Variants in DOK6 observed in about 807,000 individuals in gnomAD.
DOK6 encodes docking protein 6.
Under a neutral mutation model 44.0 loss-of-function variants are expected in DOK6, and 22 were observed. That is an observed-to-expected ratio of 0.50 (90% CI 0.36 to 0.71). DOK6 has a LOEUF of 0.71. Among genes scored for constraint, DOK6 ranks in the 30% least tolerant of loss-of-function variants. The probability of loss-of-function intolerance (pLI) is 0.00; values close to 1 mark genes in which losing one functional copy is unlikely to be tolerated. For synonymous variants in DOK6, 166 were observed against 145.5 expected (o/e 1.14, Z -1.01); for missense variants, 340 against 416.4 (o/e 0.82, Z 1.60).
At chr18:69,426,594 CAT>C (rs1212580241) in intron 1 of DOK6, among the ~76,000 whole-genome samples, 1 of 152,020 alleles carries the variant, frequency 6.6e-6, no homozygotes, top group Non-Finnish European at 1.5e-5. Context: ...GCCATTAAAA[CAT>C]AATAAATTGA....
chr18:69,548,256 T>C (rs1982464087), intron 1 of DOK6, among the ~76,000 whole-genome samples: 1 of 151,200 alleles, frequency 6.6e-6, no homozygotes, highest in Non-Finnish European at 1.5e-5. Context: ...CCTGCCCTCA[T>C]ATATATATTT....
At chr18:69,478,471 CT>C (rs1289253979) in intron 1 of DOK6, among the ~76,000 whole-genome samples, 1 of 151,954 alleles carries the variant, frequency 6.6e-6, no homozygotes, top group Non-Finnish European at 1.5e-5. Flanking sequence ...TTTAAACTTA[CT>C]GTTTTATTTC....
At chr18:69,584,133 GA>G (rs1215220479) in intron 2 of DOK6, among the ~76,000 whole-genome samples, 1 of 140,128 alleles carries the variant, frequency 7.1e-6, no homozygotes, top group East Asian at 2.2e-4. Flanking sequence ...AAAAAGAAAA[GA>G]AAAAAATAAA....
At chr18:69,740,428 TA>T (rs1978762865) in intron 6 of DOK6, among the ~76,000 whole-genome samples, 1 of 152,240 alleles carries the variant, frequency 6.6e-6, no homozygotes, top group Non-Finnish European at 1.5e-5. Context: ...AACCAAGATT[TA>T]CCATGGGGCT....
chr18:69,822,315 T>G (rs1599344412), intron 7 of DOK6, among the ~76,000 whole-genome samples: 1 of 152,234 alleles, frequency 6.6e-6, no homozygotes, highest in African/African-American at 2.4e-5. Flanking sequence ...CAAATTAGCC[T>G]GCCACAGTTT....
intron 2 of DOK6, among the ~76,000 whole-genome samples, chr18:69,578,567 C>T (rs1445076240): frequency 6.6e-6 from 1 of 152,140 alleles, no homozygotes; most frequent in Admixed American, 6.5e-5. Context: ...ATTTCTGGAG[C>T]ATTTTTGCAT....
chr18:69,509,663 A>AAAAAAAAAAAC (rs397977960), intron 1 of DOK6, among the ~76,000 whole-genome samples: 3 of 115,488 alleles, frequency 2.6e-5, no homozygotes, highest in African/African-American at 8.4e-5. Context: ...AAAAAAAAAA[A>AAAAAAAAAAAC]CACACAAGTC....
rs145253315 is a variant in DOK6 at position 69,720,245 on chromosome 18, G to A, written c.600-18720G>A. On this transcript the variant is annotated intron_variant, in intron 5 of 7. Coordinates refer to ENST00000382713, the MANE Select transcript of DOK6 (RefSeq NM_152721.6). ...ATGATCTAACCAACACAAGACTTGC[G>A]TTGATGTTTAGGCCAACTTTCAACT... Among the ~76,000 whole-genome samples the A allele has an allele frequency of 3.5e-3, 527 of 152,080 alleles. 2 individuals are homozygous for A. Among genetic ancestry groups the A allele is most frequent in the African/African-American group, 0.011 (462 of 41,492 alleles).
At chr18:69,766,728 A>G (rs1979728349) in intron 7 of DOK6, among the ~76,000 whole-genome samples, 1 of 152,124 alleles carries the variant, frequency 6.6e-6, no homozygotes, top group Non-Finnish European at 1.5e-5. Context: ...AGATGGAAGA[A>G]AATCCACACA....
intron 1 of DOK6, among the ~76,000 whole-genome samples, chr18:69,502,120 T>C (rs569791606): frequency 2.0e-5 from 3 of 152,144 alleles, no homozygotes; most frequent in Non-Finnish European, 4.4e-5. Context: ...TGGTAAATTG[T>C]GGTTGCAATA....
intron 7 of DOK6, among the ~76,000 whole-genome samples, chr18:69,800,355 T>C (rs1980868125): frequency 6.6e-6 from 1 of 152,156 alleles, no homozygotes; most frequent in Non-Finnish European, 1.5e-5. Context: ...ATCCTGCGCT[T>C]ATTTTGTTTC....
At chr18:69,788,141 A>C (rs1980488121) in intron 7 of DOK6, among the ~76,000 whole-genome samples, 1 of 152,166 alleles carries the variant, frequency 6.6e-6, no homozygotes, top group South Asian at 2.1e-4. Context: ...TTTGTCTAGA[A>C]GTCAACTCCC....
chr18:69,661,426 C>T (rs1438918980), intron 3 of DOK6: 1 of 152,110 alleles, frequency 6.6e-6, no homozygotes. Context: ...TAGGAGGACA[C>T]AAACATTCAG....
intron 1 of DOK6, among the ~76,000 whole-genome samples, chr18:69,499,196 G>GGT (rs560528485): frequency 3.5e-4 from 53 of 151,282 alleles, no homozygotes; most frequent in African/African-American, 1.1e-3. Context: ...TATGCTTAAG[G>GGT]GTATATATAT....
chr18:69,489,409 C>G (rs945990550), intron 1 of DOK6, among the ~76,000 whole-genome samples: 1 of 152,096 alleles, frequency 6.6e-6, no homozygotes, highest in Admixed American at 6.6e-5. Context: ...AGGGTAAGCC[C>G]GTTTCCATAG....
rs143671324 is a variant in DOK6 at position 69,566,481 on chromosome 18, G to C, written c.174+1887G>C. 6.2e-4 allele frequency among the ~76,000 whole-genome samples: 94 copies of C among 152,228 alleles called. 2 individuals carry two copies. Among genetic ancestry groups the C allele is most frequent in the African/African-American group, 2.1e-3 (87 of 41,528 alleles). On this transcript the variant is annotated intron_variant, in intron 2 of 7. Transcript: ENST00000382713. ...ATGAAACAGGAAAAATTGTCAAGAAGCATTATTATGTTATCTCTGGACTCA... is the reference window on the plus strand; with the variant it reads ...ATGAAACAGGAAAAATTGTCAAGAACCATTATTATGTTATCTCTGGACTCA...
chr18:69,447,673 T>C (rs1979335306), intron 1 of DOK6, among the ~76,000 whole-genome samples: 1 of 152,208 alleles, frequency 6.6e-6, no homozygotes, highest in African/African-American at 2.4e-5. Flanking sequence ...CTGCCTTAGC[T>C]TTCACCTCCT....
At chr18:69,441,554 C>T (rs1979137731) in intron 1 of DOK6, among the ~76,000 whole-genome samples, 1 of 152,104 alleles carries the variant, frequency 6.6e-6, no homozygotes, top group South Asian at 2.1e-4. Flanking sequence ...GGACCTACCT[C>T]CAATGATTCA....
chr18:69,721,576 AG>A (rs1978288756), intron 5 of DOK6, among the ~76,000 whole-genome samples: 1 of 152,246 alleles, frequency 6.6e-6, no homozygotes, highest in Admixed American at 6.5e-5. Context: ...GTACACATTC[AG>A]GTGCATTCTT....
Sources: gnomAD v4.1 joint callset for allele counts (sites outside exome capture counted in the v4.1 genomes callset) on GRCh38, gnomAD v4.1.1 for gene constraint, MANE v1.5 for transcripts, NCBI Gene and HGNC (gene_info 2026-07-23, HGNC 2026-07-21) for gene names.